Variants in MGLL observed in about 807,000 individuals in gnomAD.
MGLL encodes lysophospholipase homolog.
MGLL carries 7 observed loss-of-function variants against 29.1 expected under a neutral mutation model. That is an observed-to-expected ratio of 0.24 (90% CI 0.14 to 0.45). MGLL has a LOEUF of 0.45. Ranked by LOEUF, MGLL falls within the 20% of genes least tolerant of loss-of-function variation. The probability of loss-of-function intolerance (pLI) is 0.99; values close to 1 mark genes in which losing one functional copy is unlikely to be tolerated. For missense variants in MGLL, 356 were observed against 413.6 expected (o/e 0.86, Z 1.21); for synonymous variants, 148 against 168.3 (o/e 0.88, Z 0.93).
intron 2 of MGLL, among the ~76,000 whole-genome samples, chr3:127,787,909 A>G (rs1468005689): frequency 1.3e-5 from 2 of 152,226 alleles, no homozygotes; most frequent in Admixed American, 1.3e-4. Context: ...TAACTAAGGC[A>G]GGAGAGCATG....
At chr3:127,818,221 C>T (rs749321111) in intron 2 of MGLL, among the ~76,000 whole-genome samples, 41 of 152,034 alleles carry the variant, frequency 2.7e-4, no homozygotes, top group Non-Finnish European at 4.9e-4. Flanking sequence ...CCTCAGCCTC[C>T]CGATGTGTTG....
intron 3 of MGLL, among the ~76,000 whole-genome samples, chr3:127,723,619 T>C (rs988263715): frequency 1.3e-5 from 2 of 151,604 alleles, no homozygotes; most frequent in Non-Finnish European, 2.9e-5. Flanking sequence ...TCAGCAGCAC[T>C]CCCCCTTTCC....
At chr3:127,746,393 C>A (rs1309023947) in intron 3 of MGLL, among the ~76,000 whole-genome samples, 7 of 152,158 alleles carry the variant, frequency 4.6e-5, no homozygotes, top group African/African-American at 1.7e-4. Flanking sequence ...ATCCACCCTG[C>A]CTCAACTGCC....
intron 4 of MGLL, among the ~76,000 whole-genome samples, chr3:127,721,724 G>A (rs919143864): frequency 2.6e-5 from 4 of 152,148 alleles, no homozygotes; most frequent in African/African-American, 9.7e-5. Context: ...TGCTCACGGG[G>A]CTGGGCAGGT....
At chr3:127,783,143 C>CAAA (rs72041528) in intron 2 of MGLL, among the ~76,000 whole-genome samples, 856 of 62,896 alleles carry the variant, frequency 0.014, 52 homozygotes, top group South Asian at 0.017. Context: ...GACTCTGTCT[C>CAAA]AAAAAAAAAA....
chr3:127,800,791 A>C (rs1364618676), intron 2 of MGLL, among the ~76,000 whole-genome samples: 1 of 152,210 alleles, frequency 6.6e-6, no homozygotes, highest in African/African-American at 2.4e-5. Context: ...CTGGGAACTT[A>C]CTGGTAACAG....
chr3:127,739,330 T>A (rs939022657), intron 3 of MGLL, among the ~76,000 whole-genome samples: 1 of 152,182 alleles, frequency 6.6e-6, no homozygotes, highest in African/African-American at 2.4e-5. Flanking sequence ...TTAACTGAGA[T>A]AATTGCTATA....
chr3:127,740,051 A>AGG (rs912416081), intron 3 of MGLL, among the ~76,000 whole-genome samples: 10 of 152,238 alleles, frequency 6.6e-5, no homozygotes, highest in Admixed American at 2.0e-4. Context: ...CCCTGGCCTC[A>AGG]GCAGGTCCAG....
intron 3 of MGLL, among the ~76,000 whole-genome samples, chr3:127,727,049 G>A (rs963481773): frequency 1.3e-5 from 2 of 152,186 alleles, no homozygotes; most frequent in Admixed American, 6.5e-5. Context: ...TAGTCTTAGA[G>A]GGGCCAGGCT....
chr3:127,710,551 C>T, intron 6 of MGLL, 25 bp downstream of exon 6: 1 of 1,529,078 alleles, frequency 6.5e-7, no homozygotes, highest in African/African-American at 1.4e-5. Context: ...CCAAGCTACC[C>T]CTGGGGTTTC....
At chr3:127,763,881 A>C (rs2076810523) in intron 3 of MGLL, among the ~76,000 whole-genome samples, 1 of 152,176 alleles carries the variant, frequency 6.6e-6, no homozygotes, top group African/African-American at 2.4e-5. Flanking sequence ...CGTAGTCATT[A>C]CACCCACCTC....
chr3:127,787,414 G>C (rs190635361), intron 2 of MGLL, among the ~76,000 whole-genome samples: 1 of 152,342 alleles, frequency 6.6e-6, no homozygotes, highest in Admixed American at 6.5e-5. Context: ...TAGAGCACGT[G>C]GAACGGCTGG....
intron 3 of MGLL, among the ~76,000 whole-genome samples, chr3:127,723,982 C>T (rs952758901): frequency 5.6e-4 from 85 of 152,100 alleles, no homozygotes; most frequent in Admixed American, 1.2e-3. Context: ...GGGATTAGAA[C>T]CCAGACATAG....
intron 3 of MGLL, among the ~76,000 whole-genome samples, chr3:127,738,482 T>G (rs530312610): frequency 6.5e-4 from 99 of 152,216 alleles, no homozygotes; most frequent in African/African-American, 2.4e-3. Context: ...TGGTCAGGCT[T>G]CTGGTGTTCA....
intron 2 of MGLL, among the ~76,000 whole-genome samples, chr3:127,810,882 AACTTC>A: frequency 1.5e-5 from 2 of 136,044 alleles, no homozygotes; most frequent in African/African-American, 7.5e-5. Flanking sequence ...CATCCACAGC[AACTTC>A]TGTGCTAAAA....
chr3:127,711,410 TC>T (rs746407967), intron 5 of MGLL: 1 of 152,304 alleles, frequency 6.6e-6, no homozygotes, highest in Non-Finnish European at 1.5e-5. Flanking sequence ...GCCCAAACCT[TC>T]CCACCCCCTC....
chr3:127,771,400 G>A (rs1237261945), intron 3 of MGLL, among the ~76,000 whole-genome samples: 1 of 152,160 alleles, frequency 6.6e-6, no homozygotes, highest in Non-Finnish European at 1.5e-5. Flanking sequence ...CCAGGTTGGA[G>A]TGCAGTGGTG....
intron 2 of MGLL, among the ~76,000 whole-genome samples, chr3:127,819,893 A>G (rs2077828207): frequency 6.6e-6 from 1 of 151,940 alleles, no homozygotes; most frequent in Admixed American, 6.6e-5. Flanking sequence ...CAGGGTTAAC[A>G]TGAGTCATGG....
intron 3 of MGLL, among the ~76,000 whole-genome samples, chr3:127,750,135 C>T (rs570112416): frequency 7.9e-5 from 12 of 152,196 alleles, no homozygotes; most frequent in South Asian, 2.1e-4. Flanking sequence ...TCCCTCTGCC[C>T]GTGTGTGGGG....
Sources: allele counts gnomAD v4.1 joint callset (sites outside exome capture counted in the v4.1 genomes callset), GRCh38; gene constraint gnomAD v4.1.1; transcripts MANE v1.5; gene names NCBI Gene and HGNC (gene_info 2026-07-23, HGNC 2026-07-21).